Variants in SCAF8 observed in about 807,000 individuals in gnomAD.
SCAF8 encodes SR-related and CTD-associated factor 8.
Under a neutral mutation model 140.5 loss-of-function variants are expected in SCAF8, and 23 were observed. That is an observed-to-expected ratio of 0.16 (90% CI 0.12 to 0.23). The LOEUF is 0.23. SCAF8 is among the 10% of genes least tolerant of loss of function. The pLI is 1.00. For synonymous variants in SCAF8, 575 were observed against 528.9 expected (o/e 1.09, Z -1.20); for missense variants, 1,397 against 1,555.7 (o/e 0.90, Z 1.72).
At chr6:154,753,226 G>T (rs1462937489) in intron 1 of SCAF8, among the ~76,000 whole-genome samples, 1 of 152,128 alleles carries the variant, frequency 6.6e-6, no homozygotes, top group African/African-American at 2.4e-5. Flanking sequence ...GCACTTTTGG[G>T]AGGCCAAAGC....
At chr6:154,802,227 A>G (rs1203302884) in intron 7 of SCAF8, 80 bp downstream of exon 7, 3 of 860,736 alleles carry the variant, frequency 3.5e-6, no homozygotes, top group Non-Finnish European at 5.0e-6. Context: ...TCTATAAATA[A>G]ATTTTATTGT....
intron 12 of SCAF8, 131 bp downstream of exon 12, chr6:154,810,339 T>A: frequency 1.7e-6 from 1 of 595,230 alleles, no homozygotes; most frequent in Non-Finnish European, 2.8e-6. Context: ...GAGTAATGTC[T>A]CTGGTTTTTG....
chr6:154,754,437 G>C (rs1445059037), intron 1 of SCAF8, among the ~76,000 whole-genome samples: 1 of 152,176 alleles, frequency 6.6e-6, no homozygotes, highest in Non-Finnish European at 1.5e-5. Context: ...TGAGTGCCTA[G>C]GTAGTGAGAA....
At chr6:154,742,163 A>G (rs1321823731) in intron 1 of SCAF8, 1 of 552,856 alleles carries the variant, frequency 1.8e-6, no homozygotes, top group Non-Finnish European at 3.2e-6. Flanking sequence ...TAGTCTTAAA[A>G]GAGAGCGTCT....
At chr6:154,810,519 T>C (rs1371020313) in intron 12 of SCAF8, among the ~76,000 whole-genome samples, 1 of 152,226 alleles carries the variant, frequency 6.6e-6, no homozygotes, top group Non-Finnish European at 1.5e-5. Context: ...CTTCTGTCTA[T>C]AGTATTCTTA....
Position 154,759,664 on chromosome 6 carries a change from A to AG in SCAF8, c.31-14325_31-14324insG, listed in dbSNP as rs1554258344. Among the ~76,000 whole-genome samples the AG allele has an allele frequency of 2.3e-5, 3 of 133,300 alleles. No homozygotes were observed. In the East Asian group the frequency reaches 6.6e-4, roughly 29 times the overall value. The allele number at this position is 133,300 out of a possible 152,430, so 87.4% of individuals were successfully genotyped here. On this transcript the variant is annotated intron_variant, in intron 1 of 19. Coordinates refer to ENST00000367178, the MANE Select transcript of SCAF8 (RefSeq NM_014892.5). Reference sequence around the variant, plus strand: ...ATTAGAATCTCCAGATGTCATAATAATTTTTTTTTTTTTTTTTTGAGATGG... The same window carrying AG: ...ATTAGAATCTCCAGATGTCATAATAAGTTTTTTTTTTTTTTTTTTGAGATGG...
chr6:154,735,753 A>G (rs532165849), intron 1 of SCAF8, among the ~76,000 whole-genome samples: 76 of 152,074 alleles, frequency 5.0e-4, no homozygotes, highest in Non-Finnish European at 1.3e-4. Flanking sequence ...ACCTCAAGTG[A>G]TCCACCCGCC....
intron 16 of SCAF8, among the ~76,000 whole-genome samples, chr6:154,823,945 A>T (rs967459559): frequency 6.6e-6 from 1 of 152,192 alleles, no homozygotes; most frequent in African/African-American, 2.4e-5. Context: ...GGGAGATGGC[A>T]GTTTAAAATG....
chr6:154,802,095 C>G lies in SCAF8; in HGVS notation c.731C>G (p.Ala244Gly). Residue 244 changes from alanine to glycine, a missense_variant, in exon 7 of 20, where the codon GCT becomes GGT. Around this residue, in one of 5 missense-constraint regions of SCAF8, gnomAD observed 339 missense variants for 407.5 expected, o/e 0.83. Coordinates refer to ENST00000367178, the MANE Select transcript of SCAF8 (RefSeq NM_014892.5). Reference sequence around the variant, plus strand: ...CTTACGGCACAACTTACAGCTGCAGCTGCAGCTGCCAACACTCTTACTCCC... The same window carrying G: ...CTTACGGCACAACTTACAGCTGCAGGTGCAGCTGCCAACACTCTTACTCCC... ...QALTAQLTAA[A>G]AAANTLTPLE... 6.2e-7 allele frequency: 1 copy of G among 1,612,572 alleles called. No individual in the cohort carries two copies. Among genetic ancestry groups the G allele is most frequent in the Non-Finnish European group, 8.5e-7 (1 of 1,179,156 alleles).
At chr6:154,823,024 A>G (rs1314648943) in intron 16 of SCAF8, among the ~76,000 whole-genome samples, 1 of 152,216 alleles carries the variant, frequency 6.6e-6, no homozygotes, top group Non-Finnish European at 1.5e-5. Flanking sequence ...AATTTGAGCA[A>G]TGACTTAAAA....
intron 1 of SCAF8, among the ~76,000 whole-genome samples, chr6:154,754,454 G>A (rs1331220558): frequency 2.0e-5 from 3 of 152,178 alleles, no homozygotes; most frequent in Non-Finnish European, 4.4e-5. Flanking sequence ...AGAAGAACTG[G>A]ATTTGAGACA....
At position 154,822,245 on chromosome 6, in the gene SCAF8, A is replaced by G. The variant is rs765885210; in HGVS notation, c.1793-31A>G. The G allele has an allele frequency of 1.9e-6, 3 of 1,587,834 alleles. No homozygotes were observed. In the South Asian group the frequency reaches 3.5e-5, roughly 18 times the overall value. On this transcript the variant is annotated intron_variant, in intron 15 of 19. Transcript: ENST00000367178. ...AGAAAATGAAAAGTTGCACCTATCC[A>G]AAGGAAATCAATTTCAACTATTTTG... is the stretch of plus-strand genomic sequence containing the variant.
intron 4 of SCAF8, among the ~76,000 whole-genome samples, chr6:154,792,207 G>GCTT (rs1777440556): frequency 6.6e-6 from 1 of 152,094 alleles, no homozygotes; most frequent in Admixed American, 6.5e-5. Flanking sequence ...AAATGGTTAC[G>GCTT]CTTCAGATTC....
Position 154,811,541 on chromosome 6 carries a change from T to C in SCAF8, c.1420+1333T>C, listed in dbSNP as rs527640236. On this transcript the variant is annotated intron_variant, in intron 12 of 19. Coordinates refer to ENST00000367178, the MANE Select transcript of SCAF8 (RefSeq NM_014892.5). The stretch of plus-strand genomic sequence containing the variant: ...ATCAACCCGTCATCTAAGTTTTTTC[T>C]TTTTTTTAAATTATACTTTAAGTTC... 2.0e-5 allele frequency among the ~76,000 whole-genome samples: 3 copies of C among 152,064 alleles called. No homozygotes were observed. In the East Asian group the frequency reaches 5.8e-4, roughly 29 times the overall value.
chr6:154,796,708 C>T (rs1401353505), intron 6 of SCAF8, among the ~76,000 whole-genome samples: 1 of 152,126 alleles, frequency 6.6e-6, no homozygotes, highest in Admixed American at 6.5e-5. Flanking sequence ...CACGGTGGCT[C>T]ACACTTGTAA....
chr6:154,828,683 A>G (rs1235103062), intron 18 of SCAF8, among the ~76,000 whole-genome samples: 2 of 152,012 alleles, frequency 1.3e-5, no homozygotes, highest in Non-Finnish European at 2.9e-5. Flanking sequence ...CCATTTTTCC[A>G]GTTGGGGTAT....
intron 15 of SCAF8, among the ~76,000 whole-genome samples, chr6:154,821,081 T>G (rs2114674961): frequency 6.6e-6 from 1 of 152,332 alleles, no homozygotes; most frequent in East Asian, 1.9e-4. Context: ...CAATGGCTGC[T>G]TATTCCAGTG....
intron 4 of SCAF8, among the ~76,000 whole-genome samples, chr6:154,792,257 CAGT>C (rs1360516202): frequency 3.9e-5 from 6 of 152,032 alleles, no homozygotes; most frequent in African/African-American, 1.4e-4. Context: ...TTCAAAGTGT[CAGT>C]AGGGAATTAG....
At chr6:154,771,875 A>C (rs1447476729) in intron 1 of SCAF8, among the ~76,000 whole-genome samples, 1 of 152,172 alleles carries the variant, frequency 6.6e-6, no homozygotes, top group Admixed American at 6.5e-5. Flanking sequence ...CGAATTCTAA[A>C]ATAGAAGTTG....
Sources: allele counts gnomAD v4.1 joint callset (sites outside exome capture counted in the v4.1 genomes callset), GRCh38; gene constraint gnomAD v4.1.1; regional missense constraint gnomAD v4.1.1; transcripts MANE v1.5; gene names NCBI Gene and HGNC (gene_info 2026-07-23, HGNC 2026-07-21).